SYNE3: variants seen among roughly 807,000 people sequenced by gnomAD.
The protein encoded by SYNE3 is spectrin repeat containing nuclear envelope family member 3, also known as nesprin-3.
Under a neutral mutation model 111.2 loss-of-function variants are expected in SYNE3, and 100 were observed. The observed-to-expected ratio is 0.90, with a 90% CI of 0.77 to 1.06. The LOEUF is 1.06. Among genes scored for constraint, SYNE3 ranks in the 50% least tolerant of loss-of-function variants. The pLI, the probability that SYNE3 is intolerant of heterozygous loss-of-function variation, is 0.00. For missense variants in SYNE3, 1,160 were observed against 1,240.3 expected, an observed-to-expected ratio of 0.94 and a Z score of 0.97; for synonymous variants, 547 against 533.9, an observed-to-expected ratio of 1.02 and a Z score of -0.34.
chr14:95,473,136 G>A (rs2139501659), intron 2 of SYNE3, among the ~76,000 whole-genome samples: 1 of 152,274 alleles, frequency 6.6e-6, no homozygotes, highest in East Asian at 1.9e-4. Flanking sequence ...AAAACACACA[G>A]TAAATGAAGC....
intron 17 of SYNE3, among the ~76,000 whole-genome samples, chr14:95,426,245 C>T (rs1005992365): frequency 6.6e-6 from 1 of 152,160 alleles, no homozygotes; most frequent in African/African-American, 2.4e-5. Flanking sequence ...GTGGCGAGGC[C>T]GTGGGATGAC....
chr14:95,440,237 C>T (rs1317351564), intron 11 of SYNE3, among the ~76,000 whole-genome samples, 162 bp from the exon 12 acceptor site: 1 of 152,230 alleles, frequency 6.6e-6, no homozygotes, highest in African/African-American at 2.4e-5. Flanking sequence ...CTCCACACAG[C>T]ACAAGGAATT....
intron 2 of SYNE3, among the ~76,000 whole-genome samples, chr14:95,474,565 G>C (rs547818010): frequency 1.7e-4 from 26 of 152,336 alleles, no homozygotes; most frequent in Middle Eastern, 3.4e-3. Context: ...GCAGGCACAG[G>C]AAACGGTGTG....
At chr14:95,450,322 G>A (rs916979945) in intron 7 of SYNE3, 13 of 602,252 alleles carry the variant, frequency 2.2e-5, no homozygotes, top group Middle Eastern at 8.9e-4. Context: ...TCAGCAGCAG[G>A]CCTGGGGTCT....
At chr14:95,512,557 A>G (rs1479890356) in intron 1 of SYNE3, among the ~76,000 whole-genome samples, 9 of 151,802 alleles carry the variant, frequency 5.9e-5, no homozygotes, top group Admixed American at 3.3e-4. Flanking sequence ...CTGTCTCAAA[A>G]AAATAAATAA....
intron 17 of SYNE3, among the ~76,000 whole-genome samples, chr14:95,424,948 A>G (rs1885350017): frequency 6.6e-6 from 1 of 152,238 alleles, no homozygotes; most frequent in South Asian, 2.1e-4. Flanking sequence ...GTCAAAAGAA[A>G]TGAGCTATTG....
chr14:95,455,852 A>G (rs1466311603), intron 5 of SYNE3, 128 bp from the exon 6 acceptor site: 12 of 927,032 alleles, frequency 1.3e-5, no homozygotes, highest in African/African-American at 3.3e-5. Flanking sequence ...AGAGCCAGAG[A>G]GGGGCCTTCC....
chr14:95,495,141 G>GA (rs11427537), intron 1 of SYNE3, among the ~76,000 whole-genome samples: 6,404 of 150,818 alleles, frequency 0.042, 450 homozygotes, highest in African/African-American at 0.15. Flanking sequence ...AGAAAAGAAA[G>GA]AAAAAAAAGG....
intron 1 of SYNE3, among the ~76,000 whole-genome samples, chr14:95,480,002 C>G (rs1196909676): frequency 6.6e-6 from 1 of 152,134 alleles, no homozygotes; most frequent in East Asian, 1.9e-4. Flanking sequence ...GCATGCCTCT[C>G]TGGCACGGGA....
chr14:95,439,521 C>T (rs1886286496), intron 13 of SYNE3, 91 bp downstream of exon 13: 1 of 1,539,236 alleles, frequency 6.5e-7, no homozygotes, highest in South Asian at 1.1e-5. Context: ...TGGGCAGCAC[C>T]CTGGCCCTCT....
In SYNE3 at chr14:95,513,704, T is replaced by C. The variant is rs533012655; in HGVS notation, c.-15+2892A>G. ...TCAGGAAACACTGCTGCTCCTGGGT[T>C]CCTATCTTTGTGGTCCAGTCAGGCT... On this transcript the variant is annotated intron_variant, in intron 1 of 17. Coordinates refer to ENST00000682763, the MANE Select transcript of SYNE3 (RefSeq NM_152592.6). Among the ~76,000 whole-genome samples the C allele has an allele frequency of 7.6e-5, 11 of 143,942 alleles. No homozygotes were observed. In the East Asian group the frequency reaches 2.3e-3, roughly 30 times the overall value. The allele number at this position is 143,942 out of a possible 152,430, so 94.4% of individuals were successfully genotyped here. A position where few individuals can be genotyped will look rare whatever the true frequency, so the allele number is the denominator to read the frequency against.
intron 1 of SYNE3, among the ~76,000 whole-genome samples, chr14:95,491,485 CT>C: frequency 6.6e-6 from 1 of 152,092 alleles, no homozygotes; most frequent in Non-Finnish European, 1.5e-5. Context: ...AAAGGATAAT[CT>C]TTTCAACAGT....
chr14:95,424,685 C>T (rs1885338324), intron 17 of SYNE3, among the ~76,000 whole-genome samples: 1 of 152,162 alleles, frequency 6.6e-6, no homozygotes, highest in Non-Finnish European at 1.5e-5. Context: ...GAACCTGCCA[C>T]CAAATCCAAT....
chr14:95,512,389 T>C (rs1890752215), intron 1 of SYNE3, among the ~76,000 whole-genome samples: 1 of 152,102 alleles, frequency 6.6e-6, no homozygotes, highest in Non-Finnish European at 1.5e-5. Context: ...CATAAAAATA[T>C]TTAAAAATAA....
At chr14:95,443,095 G>C (rs147420715) in intron 11 of SYNE3, 60 bp downstream of exon 11, 2 of 1,599,360 alleles carry the variant, frequency 1.3e-6, no homozygotes, top group African/African-American at 2.7e-5. Context: ...GGCCCCAGGC[G>C]TGTTGGATGA....
chr14:95,453,466 G>A (rs941349279), intron 6 of SYNE3, among the ~76,000 whole-genome samples: 4 of 152,174 alleles, frequency 2.6e-5, no homozygotes, highest in African/African-American at 9.7e-5. Flanking sequence ...AGCAGCTGGG[G>A]CAATAGGGGC....
intron 11 of SYNE3, among the ~76,000 whole-genome samples, chr14:95,441,148 T>C (rs1472041062): frequency 6.6e-6 from 1 of 152,208 alleles, no homozygotes. Flanking sequence ...AAGGTCATCA[T>C]GACTCTCTGC....
intron 1 of SYNE3, among the ~76,000 whole-genome samples, chr14:95,481,512 C>A (rs1889250964): frequency 6.6e-6 from 1 of 152,176 alleles, no homozygotes; most frequent in African/African-American, 2.4e-5. Context: ...GGCCGCTGAG[C>A]AGCAGGAACT....
At chr14:95,487,770 C>A (rs996213060) in intron 1 of SYNE3, among the ~76,000 whole-genome samples, 6 of 152,124 alleles carry the variant, frequency 3.9e-5, no homozygotes, top group African/African-American at 1.4e-4. Context: ...GTTTGCATTT[C>A]CTAGAGTTTT....
Sources: allele counts gnomAD v4.1 joint callset (sites outside exome capture counted in the v4.1 genomes callset), GRCh38; gene constraint gnomAD v4.1.1; transcripts MANE v1.5; gene names NCBI Gene and HGNC (gene_info 2026-07-23, HGNC 2026-07-21).